Variants in ANKRD37 observed in about 807,000 individuals in gnomAD.
ANKRD37 encodes the protein ankyrin repeat domain 37, also known as ankyrin repeat domain-containing protein 37.
A neutral mutation model predicts 19.7 loss-of-function variants in ANKRD37; 17 were observed. The observed-to-expected ratio is 0.86, with a 90% CI of 0.59 to 1.29. The LOEUF is 1.29. ANKRD37 is among the 50% of genes most tolerant of loss of function. The pLI is 0.00. For missense variants in ANKRD37, 207 were observed against 190.4 expected (o/e 1.09, Z -0.51); for synonymous variants, 79 against 74.5 (o/e 1.06, Z -0.31).
At chr4:185,399,314 A>G (rs2095510192) in intron 3 of ANKRD37, among the ~76,000 whole-genome samples, 1 of 152,152 alleles carries the variant, frequency 6.6e-6, no homozygotes, top group East Asian at 1.9e-4. Flanking sequence ...CCCATTGACT[A>G]CCTTTGGGTA....
Position 185,399,916 on chromosome 4 carries a change from A to G in ANKRD37, c.*-101A>G, listed in dbSNP as rs2095511176. On this transcript the variant is annotated intron_variant, in intron 4 of 4. Coordinates refer to ENST00000335174, the MANE Select transcript of ANKRD37 (RefSeq NM_181726.4). ...TAACATTTTAGTACTGGTTATACTT[A>G]CCAGAGTCTAGAGACCAAAAATGGG... 4 of 1,541,458 alleles carry G rather than the reference A, an allele frequency of 2.6e-6. No individual in the cohort carries two copies. In the African/African-American group the frequency reaches 4.2e-5, roughly 16 times the overall value.
Position 185,399,104 on chromosome 4 carries a change from A to G in ANKRD37, c.272+76A>G, listed in dbSNP as rs533560657. On this transcript the variant is annotated intron_variant, in intron 3 of 4. Coordinates refer to ENST00000335174, the MANE Select transcript of ANKRD37 (RefSeq NM_181726.4). The stretch of plus-strand genomic sequence containing the variant: ...AATCAGACTCCTGAAGCTTAGTTAC[A>G]TGTGCTTTTAAAAATAATGCTTGCG... The G allele has an allele frequency of 2.4e-5, 29 of 1,231,078 alleles. No individual in the cohort carries two copies. In the African/African-American group the frequency reaches 3.3e-4, roughly 14 times the overall value. The allele number at this position is 1,231,078 out of a possible 1,614,324, so 76.3% of individuals were successfully genotyped here. A position where few individuals can be genotyped will look rare whatever the true frequency, so the allele number is the denominator to read the frequency against.
intron 2 of ANKRD37, among the ~76,000 whole-genome samples, chr4:185,398,557 TATA>T (rs1351312322): frequency 6.6e-6 from 1 of 152,184 alleles, no homozygotes; most frequent in Non-Finnish European, 1.5e-5. Context: ...ATGCTGAAGT[TATA>T]ATAGTCCACT....
Position 185,399,702 on chromosome 4 carries a change from T to C in ANKRD37, c.405T>C (p.Asp135=), listed in dbSNP as rs765515137. Residue 135 remains aspartate (D), a synonymous_variant, in exon 4 of 5, where the codon GAT becomes GAC. Transcript: ENST00000335174. ...CAAGTGAACACCCTGACAGGAATGATTGTGTTGCCGTGCTCAGACAGAAAC... is the reference window on the plus strand; with the variant it reads ...CAAGTGAACACCCTGACAGGAATGACTGTGTTGCCGTGCTCAGACAGAAAC... ...IKASEHPDRN[D]CVAVLRQKRS... The C allele has an allele frequency of 2.5e-6, 4 of 1,614,096 alleles. No homozygotes were observed. Among genetic ancestry groups the C allele is most frequent in the South Asian group, 1.1e-5 (1 of 91,080 alleles).
Position 185,398,439 on chromosome 4 carries a change from A to C in ANKRD37, c.181-498A>C, listed in dbSNP as rs550472115. ...TGAAATGAATATGCAAGCATAGTAC[A>C]TTTCTATGTTTCAAATTAGCCCATG... On this transcript the variant is annotated intron_variant, in intron 2 of 4. Transcript: ENST00000335174. Among the ~76,000 whole-genome samples the C allele has an allele frequency of 2.6e-5, 4 of 152,362 alleles. No homozygotes were observed. In the South Asian group the frequency reaches 8.3e-4, roughly 32 times the overall value.
rs1580034095 is a variant in ANKRD37 at position 185,397,246 on chromosome 4, G to A, written c.124G>A (p.Gly42Ser). 4.3e-6 allele frequency: 7 copies of A among 1,614,120 alleles called. 1 individual carries two copies. The highest frequency in any genetic ancestry group is 2.2e-5 in the East Asian group (1 of 44,882). The change falls in exon 2 of 5, where the codon GGC (glycine) becomes AGC (serine). Residue 42 changes from glycine (G) to serine (S), a missense_variant. Coordinates refer to ENST00000335174, the MANE Select transcript of ANKRD37 (RefSeq NM_181726.4). ...GCCTGTCCACTTAGCCGCAGGAAGC[G>A]GCCTTGCTTGCTTTCTTCTCTGGCA... ...QSPVHLAAGS[G>S]LACFLLWQLQ... is the part of the protein sequence containing the mutation.
chr4:185,399,519 A>G (rs1380299636), intron 3 of ANKRD37, 51 bp from the exon 4 acceptor site: 1 of 1,590,282 alleles, frequency 6.3e-7, no homozygotes, highest in East Asian at 2.2e-5. Flanking sequence ...ATATAAAAAA[A>G]AAGACTTAAG....
intron 3 of ANKRD37, 54 bp downstream of exon 3, chr4:185,399,082 C>G: frequency 7.0e-7 from 1 of 1,437,034 alleles, no homozygotes; most frequent in Non-Finnish European, 9.8e-7. Context: ...TTAAACTAAT[C>G]AGACTCCTGA....
At position 185,396,917 on chromosome 4, in the gene ANKRD37, G is replaced by A. The variant is rs781068208; in HGVS notation, c.-7G>A. On this transcript the variant is annotated 5_prime_UTR_variant, in exon 1 of 5. Coordinates refer to ENST00000335174, the MANE Select transcript of ANKRD37 (RefSeq NM_181726.4). ...CAAGGACTCTTGTCATCTGCCTTAG[G>A]CGGGAAATGCTGTTGCTGGATTGCA... is the stretch of plus-strand genomic sequence containing the variant. 186 of 1,613,450 alleles carry A rather than the reference G, an allele frequency of 1.2e-4. No individual in the cohort carries two copies. The highest frequency in any genetic ancestry group is 1.5e-4 in the Non-Finnish European group (181 of 1,180,046).
intron 2 of ANKRD37, chr4:185,397,603 TTAGA>T (rs1369319415): frequency 9.3e-6 from 3 of 324,300 alleles, no homozygotes; most frequent in African/African-American, 2.2e-5. Context: ...CAATTGCTGA[TTAGA>T]TATTTTACAC....
chr4:185,399,136 A>G, intron 3 of ANKRD37, 108 bp downstream of exon 3: 6 of 918,872 alleles, frequency 6.5e-6, no homozygotes, highest in Non-Finnish European at 1.0e-5. Flanking sequence ...TGCGTAATTG[A>G]TAATTTAGTG....
Position 185,399,009 on chromosome 4 carries a change from G to T in ANKRD37, c.253G>T (p.Ala85Ser), listed in dbSNP as rs2126871530. The T allele has an allele frequency of 6.2e-7, 1 of 1,613,812 alleles. No individual in the cohort carries two copies. The highest frequency in any genetic ancestry group is 8.5e-7 in the Non-Finnish European group (1 of 1,179,786). The change falls in exon 3 of 5, where the codon GCC (alanine) becomes TCC (serine). Residue 85 changes from alanine (A) to serine (S), a missense_variant. By Grantham distance (99) the Ala-to-Ser change is moderately conservative. Coordinates refer to ENST00000335174, the MANE Select transcript of ANKRD37 (RefSeq NM_181726.4). ...CCTGGAGTGCCTAAGCCTGCTTGTAGCCAGTGATGCCCAAATTGAGTGAGT... is the reference window on the plus strand; with the variant it reads ...CCTGGAGTGCCTAAGCCTGCTTGTATCCAGTGATGCCCAAATTGAGTGAGT... ...GSLECLSLLV[A>S]SDAQIDLCNK...
At chr4:185,397,482 GGACAT>G (rs1355601518) in intron 2 of ANKRD37, 180 bp downstream of exon 2, 1 of 812,712 alleles carries the variant, frequency 1.2e-6, no homozygotes, top group Non-Finnish European at 1.8e-6. Context: ...CTTGATGTGA[GGACAT>G]GAGAAATTTG....
rs2095511607 is a variant in ANKRD37, at chr4:185,400,180, G to A, written c.*163G>A. On this transcript the variant is annotated 3_prime_UTR_variant, in exon 5 of 5. Coordinates refer to ENST00000335174, the MANE Select transcript of ANKRD37 (RefSeq NM_181726.4). ...CATTTAAGAACACATGTATTTACAT[G>A]CCTATAATATGCTGGTTGTGTATGC... is the stretch of plus-strand genomic sequence containing the variant. The A allele has an allele frequency of 4.1e-6, 3 of 731,958 alleles. No homozygotes were observed. Among genetic ancestry groups the A allele is most frequent in the Admixed American group, 3.0e-5 (1 of 33,042 alleles). 45.3% of individuals were successfully genotyped at this position (731,958 alleles called of 1,614,324 possible). A position where few individuals can be genotyped will look rare whatever the true frequency, so the allele number is the denominator to read the frequency against.
Position 185,399,748 on chromosome 4 carries a change from A to T in ANKRD37, c.451A>T (p.Asn151Tyr). 3.1e-6 allele frequency: 5 copies of T among 1,614,130 alleles called. No individual in the cohort carries two copies. The highest frequency in any genetic ancestry group is 4.2e-6 in the Non-Finnish European group (5 of 1,180,008). The change falls in exon 4 of 5, where the codon AAT becomes TAT. Residue 151 changes from asparagine (N) to tyrosine (Y), a missense_variant. Transcript: ENST00000335174. ...GAAACGGAGTCTCGGAAGTGTAGAAAATACCAGTGGGAAAAGGAAGTGCTG... is the reference window on the plus strand; with the variant it reads ...GAAACGGAGTCTCGGAAGTGTAGAATATACCAGTGGGAAAAGGAAGTGCTG... ...RQKRSLGSVENTSGKRKC is the reference protein window; with the variant it reads ...RQKRSLGSVEYTSGKRKC
chr4:185,396,873 T>G lies in ANKRD37; in HGVS notation c.-51T>G. ...CTTACCTGTCGGGGTGCGGCGAGTG[T>G]CTCACCTCTCTGCACTTCCAAGGAC... is the stretch of plus-strand genomic sequence containing the variant. On this transcript the variant is annotated 5_prime_UTR_variant, in exon 1 of 5. Transcript: ENST00000335174. 1 of 1,602,454 alleles carries G rather than the reference T, an allele frequency of 6.2e-7. No individual in the cohort carries two copies. The highest frequency in any genetic ancestry group is 1.7e-4 in the Middle Eastern group (1 of 5,964).
chr4:185,399,473 A>G (rs981346100), intron 3 of ANKRD37, 97 bp from the exon 4 acceptor site: 16 of 1,359,880 alleles, frequency 1.2e-5, no homozygotes, highest in South Asian at 6.5e-5. Flanking sequence ...CTGTTCTGCA[A>G]CCAACATTTG....
Position 185,399,550 on chromosome 4 carries a change from C to T in ANKRD37, c.273-20C>T, listed in dbSNP as rs1256197234. On this transcript the variant is annotated intron_variant, in intron 3 of 4. Coordinates refer to ENST00000335174, the MANE Select transcript of ANKRD37 (RefSeq NM_181726.4). Reference sequence around the variant, plus strand: ...TTAAGTTCAATGTTTCATTTCACTCCGTTTTTATCCTGTTTTCAGTTTATG... The same window carrying T: ...TTAAGTTCAATGTTTCATTTCACTCTGTTTTTATCCTGTTTTCAGTTTATG... The T allele has an allele frequency of 1.2e-5, 19 of 1,612,140 alleles. No homozygotes were observed. The highest frequency in any genetic ancestry group is 5.3e-5 in the African/African-American group (4 of 74,838).
rs1042344422 is a variant in ANKRD37, at chr4:185,396,883, C to T, written c.-41C>T. 3.1e-6 allele frequency: 5 copies of T among 1,610,706 alleles called. No homozygotes were observed. Among genetic ancestry groups the T allele is most frequent in the East Asian group, 2.2e-5 (1 of 44,882 alleles). ...GGGGTGCGGCGAGTGTCTCACCTCT[C>T]TGCACTTCCAAGGACTCTTGTCATC... On this transcript the variant is annotated 5_prime_UTR_variant, in exon 1 of 5. Transcript: ENST00000335174.
Sources: allele counts gnomAD v4.1 joint callset (sites outside exome capture counted in the v4.1 genomes callset), GRCh38; gene constraint gnomAD v4.1.1; transcripts MANE v1.5; gene names NCBI Gene and HGNC (gene_info 2026-07-23, HGNC 2026-07-21).